Variants in ARL10 observed in about 807,000 individuals in gnomAD.
ARL10 encodes the protein ARF like GTPase 10, also known as ADP-ribosylation factor-like protein 10.
In ARL10, 23 loss-of-function variants were observed where a neutral mutation model predicts 26.1. That is an observed-to-expected ratio of 0.88 (90% CI 0.63 to 1.25). ARL10 has a LOEUF of 1.25. Among genes scored for constraint, ARL10 ranks in the 50% most tolerant of loss-of-function variants. The probability of loss-of-function intolerance (pLI) is 0.00; values close to 1 mark genes in which losing one functional copy is unlikely to be tolerated. For synonymous variants in ARL10, 138 were observed against 149.1 expected (o/e 0.93, Z 0.54); for missense variants, 300 against 323.6 (o/e 0.93, Z 0.56).
chr5:176,387,454 A>G (rs1755959652), intron 1 of ARL10, among the ~76,000 whole-genome samples: 1 of 152,254 alleles, frequency 6.6e-6, no homozygotes, highest in Non-Finnish European at 1.5e-5. Context: ...GGCTTCGCGA[A>G]TGAATTTGTT....
At chr5:176,398,573 G>A (rs991827678) in intron 1 of ARL10, among the ~76,000 whole-genome samples, 15 of 151,836 alleles carry the variant, frequency 9.9e-5, no homozygotes, top group African/African-American at 3.4e-4. Flanking sequence ...TTAGCCAGGC[G>A]TGGTGGTGCA....
chr5:176,385,652 A>G (rs1755781769), downstream of ARL10, among the ~76,000 whole-genome samples: 2 of 152,206 alleles, frequency 1.3e-5, no homozygotes, highest in East Asian at 1.9e-4. Context: ...CAGGACAGAG[A>G]TGAAGGCACA....
intron 3 of ARL10, among the ~76,000 whole-genome samples, chr5:176,370,578 G>A (rs563440872): frequency 6.6e-6 from 1 of 152,120 alleles, no homozygotes; most frequent in Non-Finnish European, 1.5e-5. Flanking sequence ...GTCCAAGACA[G>A]TCCCCATTTA....
downstream of ARL10, among the ~76,000 whole-genome samples, chr5:176,385,671 C>T (rs1755783197): frequency 6.6e-6 from 1 of 152,208 alleles, no homozygotes; most frequent in Non-Finnish European, 1.5e-5. Context: ...CATACCTGCC[C>T]ACAGGACAGG....
the ARL10 span, among the ~76,000 whole-genome samples, chr5:176,408,832 T>C: frequency 6.6e-6 from 1 of 152,212 alleles, no homozygotes. Context: ...GTTTTCCTCG[T>C]TTTTTGCAGG....
downstream of ARL10, chr5:176,406,161 G>A: frequency 2.0e-6 from 2 of 987,364 alleles, no homozygotes; most frequent in Non-Finnish European, 2.4e-6. Flanking sequence ...AATCACCTGA[G>A]CATCTCAGTG....
At chr5:176,395,817 G>C (rs1479435967) in intron 1 of ARL10, among the ~76,000 whole-genome samples, 1 of 152,098 alleles carries the variant, frequency 6.6e-6, no homozygotes, top group Non-Finnish European at 1.5e-5. Flanking sequence ...AGCATCCCAT[G>C]CTCAGTGTCT....
In ARL10 at chr5:176,372,096, G is replaced by A. The variant is rs759300260; in HGVS notation, c.*201G>A. On this transcript the variant is annotated 3_prime_UTR_variant, in exon 4 of 4. Coordinates refer to ENST00000310389, the MANE Select transcript of ARL10 (RefSeq NM_173664.6). Reference sequence around the variant, plus strand: ...TGAGGTGGCCGTGAAGCCGAAGCAGGGAGGTGGGTGAGACAGAGGGTGGGG... The same window carrying A: ...TGAGGTGGCCGTGAAGCCGAAGCAGAGAGGTGGGTGAGACAGAGGGTGGGG... 9.1e-6 allele frequency: 13 copies of A among 1,421,980 alleles called. No individual in the cohort carries two copies. The highest frequency in any genetic ancestry group is 1.1e-5 in the Non-Finnish European group (12 of 1,090,778). 88.1% of individuals were successfully genotyped at this position (1,421,980 alleles called of 1,614,324 possible).
chr5:176,394,685 G>T lies in ARL10; in HGVS notation c.134-7056G>T, dbSNP rs180807336. ...ACAAAATTAGCCGGGCATGGTGGCG[G>T]GCACCTGTAGTCCCAGCTACTCAGG... On this transcript the variant is annotated intron_variant, in intron 1 of 1. Transcript: ENST00000514533. Among the ~76,000 whole-genome samples, 234 of 152,180 alleles carry T rather than the reference G, an allele frequency of 1.5e-3. 1 individual carries two copies. Among genetic ancestry groups the T allele is most frequent in the African/African-American group, 5.3e-3 (220 of 41,514 alleles).
chr5:176,390,694 AC>A (rs1756237958), downstream of ARL10, among the ~76,000 whole-genome samples: 1 of 151,488 alleles, frequency 6.6e-6, no homozygotes, highest in Non-Finnish European at 1.5e-5. Context: ...TAATCCCCCA[AC>A]CTCGGCCTCC....
Position 176,372,842 on chromosome 5 carries a change from T to C in ARL10, c.*947T>C. 1 of 398,742 alleles carries C rather than the reference T, an allele frequency of 2.5e-6. No individual in the cohort carries two copies. The highest frequency in any genetic ancestry group is 4.4e-6 in the Non-Finnish European group (1 of 226,040). The allele number at this position is 398,742 out of a possible 1,614,324, so 24.7% of individuals were successfully genotyped here. A position where few individuals can be genotyped will look rare whatever the true frequency, so the allele number is the denominator to read the frequency against. ...AACAGGCCAGAGTTCTAGGCTCTGT[T>C]TCTAGGTGCTGTTTTCAAAACCCCA... On this transcript the variant is annotated 3_prime_UTR_variant, in exon 4 of 4. Transcript: ENST00000310389.
chr5:176,369,274 CCAGGCTGGAATG>C (rs1232285578), intron 3 of ARL10: 2 of 1,262,114 alleles, frequency 1.6e-6, no homozygotes, highest in African/African-American at 3.0e-5. Flanking sequence ...GTTCTGTCGC[CCAGGCTGGAATG>C]CAGTGGTGTG....
In ARL10 at chr5:176,372,922, C is replaced by T; in HGVS notation, c.*1027C>T. ...GGAAAATAGCTGGAATCATGAATGA[C>T]AATGAGATAACATACAGATGTCAGT... On this transcript the variant is annotated 3_prime_UTR_variant, in exon 4 of 4. Transcript: ENST00000310389. 2.5e-6 allele frequency: 1 copy of T among 398,658 alleles called. No individual in the cohort carries two copies. Among genetic ancestry groups the T allele is most frequent in the East Asian group, 3.6e-5 (1 of 28,078 alleles). The allele number at this position is 398,658 out of a possible 1,614,324, so 24.7% of individuals were successfully genotyped here.
downstream of ARL10, chr5:176,402,002 C>G (rs1363924201): frequency 3.1e-6 from 1 of 318,410 alleles, no homozygotes; most frequent in South Asian, 2.5e-5. Flanking sequence ...TCATGTCACA[C>G]TTTAAAATAT....
Position 176,379,915 on chromosome 5 carries a change from A to G in ARL10, c.*8020A>G, listed in dbSNP as rs1755510126. On this transcript the variant is annotated 3_prime_UTR_variant, in exon 4 of 4. Transcript: ENST00000310389. Reference sequence around the variant, plus strand: ...ATGTGAATAAATTGGTAAAGATTAGAGAGTCCTGAATCATAAGCTCTTATG... The same window carrying G: ...ATGTGAATAAATTGGTAAAGATTAGGGAGTCCTGAATCATAAGCTCTTATG... 6.6e-6 allele frequency: 1 copy of G among 152,222 alleles called. No individual in the cohort carries two copies. The highest frequency in any genetic ancestry group is 1.5e-5 in the Non-Finnish European group (1 of 68,034). The allele number at this position is 152,222 out of a possible 1,614,324, so 9.4% of individuals were successfully genotyped here.
downstream of ARL10, chr5:176,385,017 G>T: frequency 3.4e-6 from 2 of 588,274 alleles, no homozygotes; most frequent in South Asian, 4.2e-5. Flanking sequence ...CTGTGAGTGA[G>T]ACTGGAACCA....
At chr5:176,369,905 G>A (rs1345807870) in intron 3 of ARL10, among the ~76,000 whole-genome samples, 1 of 150,376 alleles carries the variant, frequency 6.6e-6, no homozygotes. Flanking sequence ...GCTGCAGTGA[G>A]CTGTGATCAC....
downstream of ARL10, among the ~76,000 whole-genome samples, chr5:176,389,975 G>C (rs1756195283): frequency 6.6e-6 from 1 of 152,044 alleles, no homozygotes; most frequent in African/African-American, 2.4e-5. Context: ...CTGAGGTCAA[G>C]AGTTCAAGAC....
chr5:176,371,858 T>C lies in ARL10; in HGVS notation c.698T>C (p.Val233Ala). 1.2e-6 allele frequency: 2 copies of C among 1,614,196 alleles called. No homozygotes were observed. The highest frequency in any genetic ancestry group is 8.5e-7 in the Non-Finnish European group (1 of 1,180,024). Residue 233 changes from valine (V) to alanine (A), a missense_variant, in exon 4 of 4, where the codon GTG becomes GCG. By Grantham distance (64) the Val-to-Ala change is moderately conservative. Coordinates refer to ENST00000310389, the MANE Select transcript of ARL10 (RefSeq NM_173664.6). ...CCCACCTTTGAAGAGCCTGGCACCG[T>C]GCACATCTGGAAACTGCTCTTGGAG... is the stretch of plus-strand genomic sequence containing the variant. ...AGPTFEEPGTVHIWKLLLELL... is the reference protein window; with the variant it reads ...AGPTFEEPGTAHIWKLLLELL...
Sources: gnomAD v4.1 joint callset for allele counts (sites outside exome capture counted in the v4.1 genomes callset) on GRCh38, gnomAD v4.1.1 for gene constraint, MANE v1.5 for transcripts, NCBI Gene and HGNC (gene_info 2026-07-23, HGNC 2026-07-21) for gene names.